ZSCAN4: variants seen among roughly 807,000 people sequenced by gnomAD.
The protein encoded by ZSCAN4 is zinc finger and SCAN domain-containing protein 4.
A neutral mutation model predicts 18.3 loss-of-function variants in ZSCAN4; 18 were observed. The observed-to-expected ratio is 0.98, with a 90% confidence interval of 0.68 to 1.46. The LOEUF is 1.46. Among genes scored for constraint, ZSCAN4 ranks in the 40% most tolerant of loss-of-function variants. The pLI is 0.00. For synonymous variants in ZSCAN4, 193 were observed against 180.3 expected (o/e 1.07, Z -0.57); for missense variants, 498 against 511.4 (o/e 0.97, Z 0.25).
chr19:57,658,851 A>AAAG, the ZSCAN4 span, among the ~76,000 whole-genome samples: 2 of 151,578 alleles, frequency 1.3e-5, no homozygotes, highest in Non-Finnish European at 2.9e-5. Context: ...AAAAAAAAAA[A>AAAG]AAGAAGTAAT....
At chr19:57,662,059 C>T in the ZSCAN4 span, among the ~76,000 whole-genome samples, 4 of 135,612 alleles carry the variant, frequency 2.9e-5, no homozygotes, top group South Asian at 9.2e-4. Flanking sequence ...CCAGCCTGGC[C>T]AACAGAGCGA....
the ZSCAN4 span, among the ~76,000 whole-genome samples, chr19:57,661,088 T>C: frequency 6.6e-6 from 1 of 152,270 alleles, no homozygotes; most frequent in African/African-American, 2.4e-5. Context: ...CCAAAAGTTT[T>C]CCAGTTATTC....
intron 2 of ZSCAN4, among the ~76,000 whole-genome samples, chr19:57,675,011 G>C (rs962785836): frequency 6.2e-5 from 9 of 144,526 alleles, no homozygotes; most frequent in Non-Finnish European, 1.3e-4. Flanking sequence ...CAGGAGCTCA[G>C]TGGCATGATC....
At chr19:57,667,288 C>G (rs1983881491), upstream of ZSCAN4, among the ~76,000 whole-genome samples, 1 of 152,196 alleles carries the variant, frequency 6.6e-6, no homozygotes, top group Non-Finnish European at 1.5e-5. Flanking sequence ...CTTCACTCCT[C>G]CATTAGCCCA....
At chr19:57,661,627 T>G in the ZSCAN4 span, among the ~76,000 whole-genome samples, 1 of 152,232 alleles carries the variant, frequency 6.6e-6, no homozygotes, top group Non-Finnish European at 1.5e-5. Flanking sequence ...ACTTTTTATT[T>G]TTATAAAGCC....
the ZSCAN4 span, among the ~76,000 whole-genome samples, chr19:57,663,707 CAAAA>C: frequency 2.2e-4 from 19 of 87,802 alleles, no homozygotes; most frequent in East Asian, 6.6e-4. Context: ...CAACCTGTCT[CAAAA>C]AAAAAAAAAA....
chr19:57,667,620 T>C (rs1412815704), upstream of ZSCAN4, among the ~76,000 whole-genome samples: 2 of 152,206 alleles, frequency 1.3e-5, no homozygotes, highest in Non-Finnish European at 2.9e-5. Flanking sequence ...CTTACTGATA[T>C]CATCGTGCCT....
upstream of ZSCAN4, among the ~76,000 whole-genome samples, chr19:57,666,908 T>TATTATTATTATC (rs1983869325): frequency 1.3e-5 from 2 of 152,032 alleles, no homozygotes; most frequent in Non-Finnish European, 2.9e-5. Context: ...TTATTATTAT[T>TATTATTATTATC]ATTATTATTC....
chr19:57,657,104 G>A, the ZSCAN4 span, among the ~76,000 whole-genome samples: 1 of 151,922 alleles, frequency 6.6e-6, no homozygotes, highest in Non-Finnish European at 1.5e-5. Context: ...AAATTATCCG[G>A]GAGTGTCCAG....
At chr19:57,678,689 C>T (rs1263562642) in exon 5 of ZSCAN4, 7 of 1,614,002 alleles carry the variant, frequency 4.3e-6, no homozygotes, top group Non-Finnish European at 5.9e-6. Flanking sequence ...AGATAATTCA[C>T]ACAGGAAAGA....
intron 3 of ZSCAN4, among the ~76,000 whole-genome samples, 166 bp downstream of exon 3, chr19:57,676,707 G>C (rs2122308061): frequency 6.6e-6 from 1 of 152,208 alleles, no homozygotes; most frequent in South Asian, 2.1e-4. Context: ...AATGTCCTAA[G>C]TTCTCAAGAA....
At chr19:57,663,215 A>G in the ZSCAN4 span, among the ~76,000 whole-genome samples, 8 of 151,168 alleles carry the variant, frequency 5.3e-5, no homozygotes, top group Non-Finnish European at 1.2e-4. Flanking sequence ...GTTATTCTTC[A>G]CTTTGAATCC....
chr19:57,662,080 C>CAAA, the ZSCAN4 span, among the ~76,000 whole-genome samples: 42 of 139,432 alleles, frequency 3.0e-4, no homozygotes, highest in East Asian at 8.2e-4. Flanking sequence ...GACTCTGTCT[C>CAAA]AAAAAAAAAA....
chr19:57,661,987 A>G, the ZSCAN4 span, among the ~76,000 whole-genome samples: 3 of 151,666 alleles, frequency 2.0e-5, no homozygotes, highest in South Asian at 6.2e-4. Context: ...AGGCTGAGGC[A>G]GGGGAATCAC....
chr19:57,675,894 C>T, intron 2 of ZSCAN4, 147 bp from the exon 3 acceptor site: 3 of 337,714 alleles, frequency 8.9e-6, no homozygotes, highest in Admixed American at 4.4e-5. Context: ...GTAGTGCTTC[C>T]TCTTATATGC....
the ZSCAN4 span, among the ~76,000 whole-genome samples, chr19:57,662,697 A>G: frequency 4.0e-5 from 6 of 151,746 alleles, no homozygotes; most frequent in East Asian, 1.2e-3. Flanking sequence ...TGAAACTGGG[A>G]CTACAGGCTT....
At chr19:57,672,045 G>T (rs1306901734) in intron 2 of ZSCAN4, among the ~76,000 whole-genome samples, 1 of 152,092 alleles carries the variant, frequency 6.6e-6, no homozygotes, top group East Asian at 1.9e-4. Flanking sequence ...ACAGAAAAGG[G>T]ATTAAATTCT....
chr19:57,669,711 T>G (rs1434768082), intron 1 of ZSCAN4, among the ~76,000 whole-genome samples: 1 of 137,600 alleles, frequency 7.3e-6, no homozygotes, highest in Non-Finnish European at 1.5e-5. Context: ...AGGCATGGTT[T>G]TTTTTTTGTT....
intron 3 of ZSCAN4, among the ~76,000 whole-genome samples, chr19:57,677,418 CA>C (rs1303560806): frequency 3.7e-5 from 3 of 81,422 alleles, no homozygotes; most frequent in African/African-American, 2.5e-4. Context: ...TTTAGTGGCA[CA>C]TTTTTTTTTT....
Sources: allele counts gnomAD v4.1 joint callset (sites outside exome capture counted in the v4.1 genomes callset), GRCh38; gene constraint gnomAD v4.1.1; transcripts MANE v1.5; gene names NCBI Gene and HGNC (gene_info 2026-07-23, HGNC 2026-07-21).